The following KCNMB2 variants were observed in gnomAD, a reference collection of about 807,000 sequenced individuals.
KCNMB2 encodes calcium-activated potassium channel subunit beta-2.
A neutral mutation model predicts 24.5 loss-of-function variants in KCNMB2; 9 were observed. That is an observed-to-expected ratio of 0.37 (90% confidence interval 0.22 to 0.64). The LOEUF (loss-of-function observed/expected upper bound fraction) is 0.64. Ranked by LOEUF, KCNMB2 falls within the 30% of genes least tolerant of loss-of-function variation. The pLI is 0.63. For missense variants in KCNMB2, 226 were observed against 284.3 expected (o/e 0.79, Z 1.47); for synonymous variants, 109 against 104.4 (o/e 1.04, Z -0.27).
chr3:178,688,432 A>G (rs1315873759), intron 1 of KCNMB2, among the ~76,000 whole-genome samples: 3 of 152,192 alleles, frequency 2.0e-5, no homozygotes, highest in Non-Finnish European at 4.4e-5. Context: ...CTTTTTAATT[A>G]AAAAACAAGT....
chr3:178,758,001 AGATATATATATATATATATCT>A lies in KCNMB2; in HGVS notation c.-67-49341_-67-49321del, dbSNP rs1560006336. Among the ~76,000 whole-genome samples, 5 of 1,274 alleles carry A rather than the reference AGATATATATATATATATATCT, an allele frequency of 3.9e-3. 1 individual carries two copies. The South Asian group carries it at 0.25, about 64-fold the overall frequency. The allele number at this position is 1,274 out of a possible 152,430, so 0.8% of individuals were successfully genotyped here. On this transcript the variant is annotated intron_variant, in intron 1 of 4. Transcript: ENST00000452583. ...CACAAGAGGATATATATATATATCT[AGATATATATATATATATATCT>A]AGAGGATATATATATATATCTAGAT...
rs181726909 is a variant in KCNMB2, at chr3:178,614,275, A to G, written c.-68+77564A>G. Among the ~76,000 whole-genome samples, 377 of 66,728 alleles carry G rather than the reference A, an allele frequency of 5.6e-3. 4 individuals are homozygous for G. Among genetic ancestry groups the G allele is most frequent in the African/African-American group, 0.015 (282 of 18,368 alleles). 43.8% of individuals were successfully genotyped at this position (66,728 alleles called of 152,430 possible). On this transcript the variant is annotated intron_variant, in intron 1 of 4. Coordinates refer to ENST00000452583, the MANE Select transcript of KCNMB2 (RefSeq NM_181361.3). Reference sequence around the variant, plus strand: ...TATATATATATATATATATATATATATATATATATATATATATATATGTAT... The same window carrying G: ...TATATATATATATATATATATATATGTATATATATATATATATATATGTAT...
intron 1 of KCNMB2, among the ~76,000 whole-genome samples, chr3:178,668,564 T>C (rs754748341): frequency 2.0e-5 from 3 of 152,118 alleles, no homozygotes; most frequent in Non-Finnish European, 4.4e-5. Context: ...GGGCTGAGCT[T>C]GGAAGCTCTT....
intron 1 of KCNMB2, among the ~76,000 whole-genome samples, chr3:178,599,191 G>A (rs773053846): frequency 6.6e-6 from 1 of 152,118 alleles, no homozygotes; most frequent in Admixed American, 6.6e-5. Flanking sequence ...AGGTTTTATG[G>A]AGTTTCTGCA....
chr3:178,764,511 TAGTC>T (rs1310617600), intron 1 of KCNMB2, among the ~76,000 whole-genome samples: 1 of 152,208 alleles, frequency 6.6e-6, no homozygotes, highest in Non-Finnish European at 1.5e-5. Flanking sequence ...CTACACTATA[TAGTC>T]TAAGTGTGTA....
At chr3:178,644,490 C>T (rs188876516) in intron 1 of KCNMB2, among the ~76,000 whole-genome samples, 1 of 152,358 alleles carries the variant, frequency 6.6e-6, no homozygotes, top group Admixed American at 6.5e-5. Context: ...TACACTCATC[C>T]TGAGACACCT....
intron 1 of KCNMB2, among the ~76,000 whole-genome samples, chr3:178,577,145 T>C (rs1171675920): frequency 1.3e-5 from 2 of 152,260 alleles, no homozygotes; most frequent in Non-Finnish European, 2.9e-5. Context: ...GGTGCCTCTC[T>C]GGGACAAAGC....
intron 1 of KCNMB2, among the ~76,000 whole-genome samples, chr3:178,754,852 C>T (rs1299692550): frequency 2.0e-5 from 3 of 152,202 alleles, no homozygotes; most frequent in African/African-American, 7.2e-5. Flanking sequence ...TTACAGACAG[C>T]TTGTTTAGCA....
At chr3:178,622,638 C>T (rs536692349) in intron 1 of KCNMB2, among the ~76,000 whole-genome samples, 1 of 152,224 alleles carries the variant, frequency 6.6e-6, no homozygotes, top group South Asian at 2.1e-4. Flanking sequence ...CTTGAGTTGC[C>T]CCAGTTCTGA....
At chr3:178,708,453 T>C (rs866007639) in intron 1 of KCNMB2, among the ~76,000 whole-genome samples, 1 of 152,174 alleles carries the variant, frequency 6.6e-6, no homozygotes, top group South Asian at 2.1e-4. Context: ...TTACCTCATT[T>C]TACACCTGAG....
chr3:178,832,283 A>G (rs1715083131), intron 4 of KCNMB2, among the ~76,000 whole-genome samples: 2 of 152,090 alleles, frequency 1.3e-5, no homozygotes, highest in Admixed American at 6.6e-5. Context: ...TCTGGTGAGC[A>G]TTGTTACTAT....
intron 1 of KCNMB2, among the ~76,000 whole-genome samples, chr3:178,737,961 G>A (rs1723370818): frequency 6.6e-6 from 1 of 152,180 alleles, no homozygotes; most frequent in African/African-American, 2.4e-5. Context: ...GTATCAGTAA[G>A]TGTTTATTGA....
chr3:178,678,712 A>G (rs1333347360), intron 1 of KCNMB2, among the ~76,000 whole-genome samples: 1 of 152,164 alleles, frequency 6.6e-6, no homozygotes, highest in Non-Finnish European at 1.5e-5. Context: ...ATATGGAAAC[A>G]TTTTCTGTAT....
intron 4 of KCNMB2, among the ~76,000 whole-genome samples, chr3:178,840,493 G>C (rs1336822600): frequency 6.6e-6 from 1 of 152,248 alleles, no homozygotes. Context: ...CATTGCCCTA[G>C]CAGAGGTTCT....
intron 1 of KCNMB2, among the ~76,000 whole-genome samples, chr3:178,625,662 G>A (rs1375831157): frequency 5.9e-5 from 9 of 152,306 alleles, no homozygotes; most frequent in South Asian, 2.1e-4. Flanking sequence ...CAAGGAGTTA[G>A]ACAGCCCTAA....
chr3:178,676,782 C>T (rs1721084252), intron 1 of KCNMB2, among the ~76,000 whole-genome samples: 3 of 152,302 alleles, frequency 2.0e-5, no homozygotes, highest in Middle Eastern at 6.8e-3. Context: ...CATGTTTTGC[C>T]TGACACTCAC....
At chr3:178,635,562 G>T (rs1719491674) in intron 1 of KCNMB2, among the ~76,000 whole-genome samples, 1 of 152,152 alleles carries the variant, frequency 6.6e-6, no homozygotes, top group African/African-American at 2.4e-5. Flanking sequence ...TTCTATGAAT[G>T]AATAGAAGTG....
chr3:178,764,129 G>A (rs1170082793), intron 1 of KCNMB2, among the ~76,000 whole-genome samples: 1 of 152,104 alleles, frequency 6.6e-6, no homozygotes, highest in Non-Finnish European at 1.5e-5. Flanking sequence ...TTACAATTTT[G>A]TCAAACATAA....
At chr3:178,709,287 A>G (rs78780298) in intron 1 of KCNMB2, among the ~76,000 whole-genome samples, 4,869 of 152,276 alleles carry the variant, frequency 0.032, 200 homozygotes, top group East Asian at 0.18. Context: ...TGTACTGGAT[A>G]TTTTCAAATG....
Sources: allele counts gnomAD v4.1 joint callset (sites outside exome capture counted in the v4.1 genomes callset), GRCh38; gene constraint gnomAD v4.1.1; transcripts MANE v1.5; gene names NCBI Gene and HGNC (gene_info 2026-07-23, HGNC 2026-07-21).